NXPH1: variants seen among roughly 807,000 people sequenced by gnomAD.
NXPH1 encodes neurexophilin 1.
A neutral mutation model predicts 23.7 loss-of-function variants in NXPH1; 5 were observed. That is an observed-to-expected ratio of 0.21 (90% CI 0.11 to 0.44). NXPH1 has a LOEUF of 0.44. Ranked by LOEUF, NXPH1 falls within the 20% of genes least tolerant of loss-of-function variation. The pLI is 0.99. For synonymous variants in NXPH1, 144 were observed against 122.2 expected, an observed-to-expected ratio of 1.18 and a Z score of -1.18; for missense variants, 324 against 321.6, an observed-to-expected ratio of 1.01 and a Z score of -0.06.
At chr7:8,627,107 C>T (rs1320161375) in intron 2 of NXPH1, among the ~76,000 whole-genome samples, 1 of 152,068 alleles carries the variant, frequency 6.6e-6, no homozygotes, top group Non-Finnish European at 1.5e-5. Flanking sequence ...GTGCTTGGCA[C>T]ACAGTAAATG....
Position 8,484,876 on chromosome 7 carries a change from C to G in NXPH1, c.54+49109C>G, listed in dbSNP as rs528236880. On this transcript the variant is annotated intron_variant, in intron 2 of 2. Transcript: ENST00000405863. ...CTCTATTTAGATACAGAAGCCATCA[C>G]TTAAGCAATTTGCAAAATATGTAAG... Among the ~76,000 whole-genome samples the G allele has an allele frequency of 2.6e-5, 4 of 152,264 alleles. No homozygotes were observed. The South Asian group carries it at 6.2e-4, about 24-fold the overall frequency.
intron 2 of NXPH1, among the ~76,000 whole-genome samples, chr7:8,493,675 G>A (rs1405463234): frequency 6.6e-6 from 1 of 152,034 alleles, no homozygotes; most frequent in Non-Finnish European, 1.5e-5. Context: ...ACTGAAGTCA[G>A]GGACATAATA....
At chr7:8,515,616 A>G (rs1817675312) in intron 2 of NXPH1, among the ~76,000 whole-genome samples, 1 of 152,160 alleles carries the variant, frequency 6.6e-6, no homozygotes, top group Admixed American at 6.5e-5. Flanking sequence ...ATAGATTAAT[A>G]ACACAACTCA....
At chr7:8,568,115 A>C (rs1433534643) in intron 2 of NXPH1, among the ~76,000 whole-genome samples, 1 of 151,902 alleles carries the variant, frequency 6.6e-6, no homozygotes, top group Non-Finnish European at 1.5e-5. Context: ...CTTCAAATAC[A>C]GGTAAATAAA....
intron 2 of NXPH1, among the ~76,000 whole-genome samples, chr7:8,660,682 C>T (rs117793603): frequency 2.1e-4 from 32 of 152,144 alleles, no homozygotes; most frequent in Middle Eastern, 3.4e-3. Context: ...GCTTCTTTGG[C>T]GCAATAATAA....
chr7:8,445,138 G>T (rs111591804), intron 2 of NXPH1, among the ~76,000 whole-genome samples: 1 of 152,180 alleles, frequency 6.6e-6, no homozygotes, highest in East Asian at 1.9e-4. Flanking sequence ...TGCTGAGAAA[G>T]GAAAATTAAG....
At chr7:8,605,473 C>A (rs1042189504) in intron 2 of NXPH1, among the ~76,000 whole-genome samples, 1 of 152,130 alleles carries the variant, frequency 6.6e-6, no homozygotes, top group African/African-American at 2.4e-5. Flanking sequence ...ATTCTAGGTA[C>A]ATTTATTGCT....
In NXPH1 at chr7:8,475,659, G is replaced by A. The variant is rs141210537; in HGVS notation, c.54+39892G>A. On this transcript the variant is annotated intron_variant, in intron 2 of 2. Coordinates refer to ENST00000405863, the MANE Select transcript of NXPH1 (RefSeq NM_152745.3). Reference sequence around the variant, plus strand: ...TGTTCAAAGGTTTTCTTCTTTGGTGGGAAGCTCTTTTTTTTCCCCTTTCAG... The same window carrying A: ...TGTTCAAAGGTTTTCTTCTTTGGTGAGAAGCTCTTTTTTTTCCCCTTTCAG... Among the ~76,000 whole-genome samples the A allele has an allele frequency of 2.6e-3, 389 of 152,062 alleles. 3 individuals carry two copies. The highest frequency in any genetic ancestry group is 0.017 in the Middle Eastern group (5 of 294).
intron 2 of NXPH1, among the ~76,000 whole-genome samples, chr7:8,714,033 A>G (rs1779838850): frequency 6.6e-6 from 1 of 152,220 alleles, no homozygotes; most frequent in South Asian, 2.1e-4. Context: ...TCAAAGCCAA[A>G]CAAGGCCCTG....
intron 2 of NXPH1, among the ~76,000 whole-genome samples, chr7:8,610,818 A>T (rs1213893716): frequency 6.6e-6 from 1 of 152,108 alleles, no homozygotes; most frequent in Admixed American, 6.6e-5. Context: ...CACACTAGAT[A>T]TCAAAGGCTC....
intron 2 of NXPH1, among the ~76,000 whole-genome samples, chr7:8,726,494 C>T (rs1334000804): frequency 3.4e-5 from 4 of 118,132 alleles, no homozygotes; most frequent in South Asian, 6.3e-4. Context: ...CCTCCCCCCA[C>T]CCCACAACAG....
chr7:8,695,567 C>T (rs1011625130), intron 2 of NXPH1, among the ~76,000 whole-genome samples: 11 of 150,696 alleles, frequency 7.3e-5, no homozygotes, highest in Non-Finnish European at 1.2e-4. Flanking sequence ...ATGACCTTTA[C>T]CTTCTACTTT....
chr7:8,601,098 A>G lies in NXPH1; in HGVS notation c.55-149910A>G, dbSNP rs144289578. On this transcript the variant is annotated intron_variant, in intron 2 of 2. Transcript: ENST00000405863. ...TATATCAGGAACTTGAGCATCCCCA[A>G]ATTTTGGTATCCACAGGAGGTCCTG... is the stretch of plus-strand genomic sequence containing the variant. Among the ~76,000 whole-genome samples the G allele has an allele frequency of 7.1e-3, 1,079 of 152,236 alleles. 7 individuals are homozygous for G. The highest frequency in any genetic ancestry group is 0.012 in the Non-Finnish European group (828 of 68,022).
chr7:8,526,156 C>T (rs571069795), intron 2 of NXPH1, among the ~76,000 whole-genome samples: 2 of 152,370 alleles, frequency 1.3e-5, no homozygotes, highest in Middle Eastern at 3.4e-3. Flanking sequence ...TCAGCGTGAG[C>T]TGGATGTGAG....
chr7:8,498,437 A>C (rs1817375270), intron 2 of NXPH1, among the ~76,000 whole-genome samples: 1 of 151,946 alleles, frequency 6.6e-6, no homozygotes, highest in African/African-American at 2.4e-5. Context: ...CAGTCCCTCT[A>C]TTTTTTCCCC....
At chr7:8,575,405 C>A (rs1203851000) in intron 2 of NXPH1, among the ~76,000 whole-genome samples, 2 of 151,964 alleles carry the variant, frequency 1.3e-5, no homozygotes, top group Non-Finnish European at 2.9e-5. Context: ...CATTAAAATT[C>A]TTTTGTTTTA....
intron 2 of NXPH1, among the ~76,000 whole-genome samples, chr7:8,724,781 G>T (rs1032589085): frequency 6.6e-6 from 1 of 152,180 alleles, no homozygotes; most frequent in South Asian, 2.1e-4. Context: ...TTTCTTAACA[G>T]AATCTAAATC....
At chr7:8,447,174 G>A (rs1816420171) in intron 2 of NXPH1, among the ~76,000 whole-genome samples, 1 of 152,170 alleles carries the variant, frequency 6.6e-6, no homozygotes, top group African/African-American at 2.4e-5. Context: ...ATTTGTTGTT[G>A]GAACAGCTGT....
intron 2 of NXPH1, among the ~76,000 whole-genome samples, chr7:8,686,539 G>C (rs947885799): frequency 1.3e-5 from 2 of 152,052 alleles, no homozygotes; most frequent in Non-Finnish European, 2.9e-5. Flanking sequence ...TGAATAAAAA[G>C]TCATCTATAC....
Sources: allele counts gnomAD v4.1 joint callset (sites outside exome capture counted in the v4.1 genomes callset), GRCh38; gene constraint gnomAD v4.1.1; transcripts MANE v1.5; gene names NCBI Gene and HGNC (gene_info 2026-07-23, HGNC 2026-07-21).